Variants in IPO8 observed in about 807,000 individuals in gnomAD.
IPO8 encodes importin-8.
In IPO8, 65 loss-of-function variants were observed where a neutral mutation model predicts 141.2. The observed-to-expected ratio is 0.46, with a 90% confidence interval of 0.38 to 0.57. The LOEUF (loss-of-function observed/expected upper bound fraction) is 0.57, where lower values mean the gene tolerates loss of function less well. Ranked by LOEUF, IPO8 falls within the 20% of genes least tolerant of loss-of-function variation. The pLI, the probability that IPO8 is intolerant of heterozygous loss-of-function variation, is 0.00. For missense variants in IPO8, 980 were observed against 1,246.8 expected, an observed-to-expected ratio of 0.79 and a Z score of 3.22; for synonymous variants, 411 against 420.3, an observed-to-expected ratio of 0.98 and a Z score of 0.27.
At chr12:30,665,989 T>C (rs2052959243) in intron 11 of IPO8, 144 bp from the exon 12 acceptor site, 1 of 678,686 alleles carries the variant, frequency 1.5e-6, no homozygotes, top group Non-Finnish European at 2.4e-6. Context: ...AAAAGTATAA[T>C]TTATTAAGAA....
In IPO8 at chr12:30,656,746, G is replaced by A. The variant is rs1207676261; in HGVS notation, c.1886C>T (p.Thr629Ile). 2.0e-6 allele frequency: 3 copies of A among 1,468,748 alleles called. No individual in the cohort carries two copies. Among genetic ancestry groups the A allele is most frequent in the Non-Finnish European group, 1.9e-6 (2 of 1,072,994 alleles). 91.0% of individuals were successfully genotyped at this position (1,468,748 alleles called of 1,614,324 possible). The change falls in exon 17 of 25, where the codon ACC becomes ATC. Residue 629 changes from threonine to isoleucine, a missense_variant. Thr to Ile is a moderately conservative substitution (Grantham distance 89). Transcript: ENST00000256079. ...LTVVEDHKEITQQLENICLRI... is the reference protein window; with the variant it reads ...LTVVEDHKEIIQQLENICLRI... ...TAGACAGATATTCTCTAACTGCTGG[G>A]TAATCTAAAGATAAATGTTAAATAT...
chr12:30,671,455 C>T lies in IPO8; in HGVS notation c.910-359G>A, dbSNP rs535226458. 2.6e-5 allele frequency among the ~76,000 whole-genome samples: 4 copies of T among 152,062 alleles called. No individual in the cohort carries two copies. The East Asian group carries it at 5.8e-4, about 22-fold the overall frequency. ...TTGGGAGGCCGAGGCGGGCGGATCACGAGGTCAGGAGAACGAGAGCATCCT... is the reference window on the plus strand; with the variant it reads ...TTGGGAGGCCGAGGCGGGCGGATCATGAGGTCAGGAGAACGAGAGCATCCT... On this transcript the variant is annotated intron_variant, in intron 8 of 24. Coordinates refer to ENST00000256079, the MANE Select transcript of IPO8 (RefSeq NM_006390.4).
chr12:30,685,500 TTGTG>T (rs112645384), intron 2 of IPO8, among the ~76,000 whole-genome samples: 1,622 of 148,594 alleles, frequency 0.011, 30 homozygotes, highest in East Asian at 0.078. Flanking sequence ...ACTTATAATG[TTGTG>T]TGTGTGTGTG....
intron 6 of IPO8, among the ~76,000 whole-genome samples, chr12:30,675,325 C>G (rs776350154): frequency 7.2e-5 from 11 of 152,186 alleles, no homozygotes; most frequent in Non-Finnish European, 1.5e-4. Flanking sequence ...GTACCCATAA[C>G]AGGCATTCTC....
chr12:30,694,969 A>G, intron 1 of IPO8: 1 of 455,820 alleles, frequency 2.2e-6, no homozygotes, highest in Non-Finnish European at 4.4e-6. Flanking sequence ...TTTCTCCAAC[A>G]CATCTTACTT....
chr12:30,659,351 G>A (rs918447947), intron 16 of IPO8, among the ~76,000 whole-genome samples: 1 of 152,010 alleles, frequency 6.6e-6, no homozygotes, highest in East Asian at 1.9e-4. Context: ...TTAGCCTGGC[G>A]TGGTGGCAGG....
At chr12:30,682,401 G>A (rs573735371) in intron 3 of IPO8, among the ~76,000 whole-genome samples, 4 of 152,188 alleles carry the variant, frequency 2.6e-5, no homozygotes, top group East Asian at 1.9e-4. Context: ...TATTATTAGC[G>A]AGGCAATTCC....
At chr12:30,671,674 C>CAAAAAA (rs71052423) in intron 8 of IPO8, among the ~76,000 whole-genome samples, 1 of 56,476 alleles carries the variant, frequency 1.8e-5, no homozygotes, top group African/African-American at 7.3e-5. Context: ...GACTCTGCCT[C>CAAAAAA]AAAAAAAAAA....
chr12:30,651,349 C>CT (rs2052724189), intron 19 of IPO8, among the ~76,000 whole-genome samples: 1 of 152,094 alleles, frequency 6.6e-6, no homozygotes, highest in Admixed American at 6.5e-5. Context: ...GAACTGAGAC[C>CT]TAGACCTAAA....
chr12:30,657,212 A>G (rs535645693), intron 16 of IPO8, among the ~76,000 whole-genome samples: 1 of 152,348 alleles, frequency 6.6e-6, no homozygotes, highest in Middle Eastern at 3.4e-3. Context: ...TATCACAAAG[A>G]TCAAATTCCC....
intron 22 of IPO8, among the ~76,000 whole-genome samples, chr12:30,635,512 G>A (rs942431653): frequency 1.3e-5 from 2 of 151,956 alleles, no homozygotes; most frequent in African/African-American, 4.8e-5. Flanking sequence ...TTAAAAACTT[G>A]AACTACATTA....
Position 30,631,920 on chromosome 12 carries a change from C to G in IPO8, c.2991G>C (p.Leu997=), listed in dbSNP as rs150620504. The change falls in exon 24 of 25, where the codon CTG becomes CTC. Residue 997 remains leucine (L), a synonymous_variant. Coordinates refer to ENST00000256079, the MANE Select transcript of IPO8 (RefSeq NM_006390.4). ...QRTALQEVYT[L]AEHRRTVAEA... ...CTGCCACCGTCCGTCGGTGCTCTGC[C>G]AGTGTGTACACCTCCTGCAGTGCTG... The G allele has an allele frequency of 1.9e-6, 3 of 1,612,454 alleles. No homozygotes were observed. In the African/African-American group the frequency reaches 4.0e-5, roughly 21 times the overall value.
At chr12:30,634,022 A>G in intron 23 of IPO8, 61 bp downstream of exon 23, 1 of 1,457,040 alleles carries the variant, frequency 6.9e-7, no homozygotes. Flanking sequence ...CAAAACAGGA[A>G]GAAATGAAGA....
chr12:30,673,611 A>G lies in IPO8; in HGVS notation c.909+379T>C, dbSNP rs148804070. Among the ~76,000 whole-genome samples, 1,050 of 152,350 alleles carry G rather than the reference A, an allele frequency of 6.9e-3. 6 individuals are homozygous for G. The highest frequency in any genetic ancestry group is 0.017 in the Middle Eastern group (5 of 294). On this transcript the variant is annotated intron_variant, in intron 8 of 24. Coordinates refer to ENST00000256079, the MANE Select transcript of IPO8 (RefSeq NM_006390.4). ...CTTCATACAGACCAATTCATATTAT[A>G]TAAGTCTTCTAAAATAAAAACTTAC...
At chr12:30,637,948 A>T (rs1213853745) in intron 21 of IPO8, among the ~76,000 whole-genome samples, 1 of 152,252 alleles carries the variant, frequency 6.6e-6, no homozygotes, top group Middle Eastern at 3.2e-3. Context: ...TGAATATTCT[A>T]CAGGCTTCTG....
intron 24 of IPO8, 179 bp downstream of exon 24, chr12:30,631,716 A>T: frequency 1.9e-6 from 1 of 522,766 alleles, no homozygotes; most frequent in South Asian, 2.6e-5. Context: ...GTTTTTGCAA[A>T]GCTAAGACAT....
intron 2 of IPO8, chr12:30,686,716 A>T (rs1370209363): frequency 6.6e-6 from 1 of 152,204 alleles, no homozygotes; most frequent in Non-Finnish European, 1.5e-5. Flanking sequence ...ATCCCTATAG[A>T]ACTAGTCTTG....
chr12:30,683,839 T>C (rs2053213288), intron 3 of IPO8, among the ~76,000 whole-genome samples: 1 of 152,198 alleles, frequency 6.6e-6, no homozygotes, highest in Admixed American at 6.5e-5. Context: ...ATACCTACTC[T>C]ATCCTGTCTT....
intron 7 of IPO8, 33 bp downstream of exon 7, chr12:30,674,626 G>GT: frequency 7.0e-7 from 1 of 1,421,812 alleles, no homozygotes; most frequent in Non-Finnish European, 9.9e-7. Context: ...GATACTGGCT[G>GT]TATGATCATC....
Sources: gnomAD v4.1 joint callset for allele counts (sites outside exome capture counted in the v4.1 genomes callset) on GRCh38, gnomAD v4.1.1 for gene constraint, MANE v1.5 for transcripts, NCBI Gene and HGNC (gene_info 2026-07-23, HGNC 2026-07-21) for gene names.